The following CSMD1 variants were observed in gnomAD, a reference collection of about 807,000 sequenced individuals.
CSMD1 encodes CUB and sushi domain-containing protein 1.
CSMD1 carries 213 observed loss-of-function variants against 417.5 expected under a neutral mutation model. The observed-to-expected ratio is 0.51, with a 90% CI of 0.46 to 0.57. The LOEUF (loss-of-function observed/expected upper bound fraction) is 0.57. Among genes scored for constraint, CSMD1 ranks in the 20% least tolerant of loss-of-function variants. The pLI is 0.00. For synonymous variants in CSMD1, 2,862 were observed against 1,736.8 expected (o/e 1.65, Z -16.11); for missense variants, 6,923 against 4,529.7 (o/e 1.53, Z -15.17).
chr8:3,385,355 T>A (rs1810942669), intron 18 of CSMD1, among the ~76,000 whole-genome samples: 1 of 149,818 alleles, frequency 6.7e-6, no homozygotes, highest in Admixed American at 6.7e-5. Flanking sequence ...TTTTGTGTTT[T>A]ACCCTACATG....
intron 6 of CSMD1, among the ~76,000 whole-genome samples, chr8:3,723,412 A>G (rs980579277): frequency 6.6e-6 from 1 of 152,182 alleles, no homozygotes; most frequent in Non-Finnish European, 1.5e-5. Flanking sequence ...AGAACACATC[A>G]TATTCACTCA....
chr8:4,225,723 A>G (rs895270397), intron 3 of CSMD1, among the ~76,000 whole-genome samples: 2 of 152,172 alleles, frequency 1.3e-5, no homozygotes, highest in Non-Finnish European at 1.5e-5. Flanking sequence ...ACAAATTGCC[A>G]CAACATGGCG....
intron 9 of CSMD1, among the ~76,000 whole-genome samples, chr8:3,583,911 C>T (rs143748952): frequency 6.6e-6 from 1 of 151,602 alleles, no homozygotes; most frequent in African/African-American, 2.4e-5. Context: ...GGAGCATTGT[C>T]CCTCTGAAGT....
intron 3 of CSMD1, among the ~76,000 whole-genome samples, chr8:4,069,199 T>C (rs142008491): frequency 0.011 from 1,682 of 152,244 alleles, 18 homozygotes; most frequent in Non-Finnish European, 0.016. Flanking sequence ...CATACTCTGA[T>C]TGAGGCGTGA....
intron 12 of CSMD1, among the ~76,000 whole-genome samples, chr8:3,460,023 T>A (rs1563059784): frequency 6.6e-6 from 1 of 152,226 alleles, no homozygotes; most frequent in Non-Finnish European, 1.5e-5. Context: ...CTGCAGCTTC[T>A]GCACAGCTGC....
intron 3 of CSMD1, among the ~76,000 whole-genome samples, chr8:4,235,683 T>C (rs1020708717): frequency 5.3e-5 from 8 of 152,210 alleles, no homozygotes; most frequent in African/African-American, 1.7e-4. Flanking sequence ...TGTTGCCATG[T>C]TTTCCTGAAG....
chr8:4,152,133 C>G (rs185162548), intron 3 of CSMD1, among the ~76,000 whole-genome samples: 349 of 152,126 alleles, frequency 2.3e-3, no homozygotes, highest in African/African-American at 8.0e-3. Flanking sequence ...AGAAAAATAT[C>G]AACGATAATT....
chr8:4,504,880 C>G (rs1026075305), intron 2 of CSMD1, among the ~76,000 whole-genome samples: 1 of 152,166 alleles, frequency 6.6e-6, no homozygotes, highest in African/African-American at 2.4e-5. Context: ...TCCAGTCTGT[C>G]ATTGATGGGC....
intron 3 of CSMD1, among the ~76,000 whole-genome samples, chr8:4,231,489 C>G (rs762570820): frequency 2.7e-5 from 4 of 150,538 alleles, no homozygotes; most frequent in African/African-American, 9.8e-5. Context: ...AGCTCTCTCA[C>G]GCCCTTCAAT....
intron 3 of CSMD1, among the ~76,000 whole-genome samples, chr8:4,252,143 T>C (rs550577231): frequency 5.3e-5 from 8 of 152,270 alleles, no homozygotes; most frequent in African/African-American, 1.9e-4. Context: ...TTCAGTTTTG[T>C]TCTGTTCTTT....
chr8:4,130,384 A>G (rs900141227), intron 3 of CSMD1, among the ~76,000 whole-genome samples: 3 of 152,076 alleles, frequency 2.0e-5, no homozygotes, highest in African/African-American at 7.2e-5. Flanking sequence ...TTCCTTGTAA[A>G]ATATACTTTT....
At chr8:4,930,321 A>G (rs905336682) in intron 1 of CSMD1, among the ~76,000 whole-genome samples, 1 of 152,194 alleles carries the variant, frequency 6.6e-6, no homozygotes, top group African/African-American at 2.4e-5. Flanking sequence ...ATTAACACCA[A>G]TTCTGAACAC....
chr8:3,501,401 G>A (rs993789126), intron 10 of CSMD1, among the ~76,000 whole-genome samples: 3 of 152,074 alleles, frequency 2.0e-5, no homozygotes, highest in African/African-American at 7.2e-5. Context: ...TGAATAACAT[G>A]TTTGTGTCAG....
intron 15 of CSMD1, among the ~76,000 whole-genome samples, chr8:3,404,997 A>G (rs1248023527): frequency 6.6e-6 from 1 of 152,326 alleles, no homozygotes; most frequent in Non-Finnish European, 1.5e-5. Flanking sequence ...ATCCAGGAAT[A>G]TAACTTATGA....
At chr8:4,160,230 C>T (rs570896584) in intron 3 of CSMD1, among the ~76,000 whole-genome samples, 56 of 152,138 alleles carry the variant, frequency 3.7e-4, no homozygotes, top group Non-Finnish European at 4.4e-4. Context: ...ATTGTTCTTT[C>T]TAAAGTCTAA....
chr8:3,912,727 A>G (rs559773619), intron 5 of CSMD1, among the ~76,000 whole-genome samples: 19 of 152,310 alleles, frequency 1.2e-4, no homozygotes, highest in African/African-American at 4.6e-4. Context: ...AATGTCCAAG[A>G]TGAGCCTGAA....
At chr8:4,370,715 C>A (rs962738122) in intron 3 of CSMD1, among the ~76,000 whole-genome samples, 6 of 152,190 alleles carry the variant, frequency 3.9e-5, no homozygotes, top group African/African-American at 1.4e-4. Context: ...TCAGCTCGGT[C>A]TGTTATACAG....
chr8:4,884,777 G>C (rs1206531945), intron 1 of CSMD1, among the ~76,000 whole-genome samples: 1 of 151,994 alleles, frequency 6.6e-6, no homozygotes, highest in African/African-American at 2.4e-5. Context: ...GGTAGCTTTG[G>C]AATAAGATTT....
intron 5 of CSMD1, among the ~76,000 whole-genome samples, chr8:3,791,549 C>G (rs975898292): frequency 6.6e-6 from 1 of 152,212 alleles, no homozygotes; most frequent in Non-Finnish European, 1.5e-5. Flanking sequence ...ACAGGCCGGG[C>G]ATGGTGGCTC....
Sources: allele counts gnomAD v4.1 joint callset (sites outside exome capture counted in the v4.1 genomes callset), GRCh38; gene constraint gnomAD v4.1.1; transcripts MANE v1.5; gene names NCBI Gene and HGNC (gene_info 2026-07-23, HGNC 2026-07-21).